The following KCNN2 variants were observed in gnomAD, a reference collection of about 807,000 sequenced individuals.
KCNN2 encodes potassium calcium-activated channel subfamily N member 2.
A neutral mutation model predicts 55.5 loss-of-function variants in KCNN2; 24 were observed. That is an observed-to-expected ratio of 0.43 (90% CI 0.31 to 0.61). The LOEUF (loss-of-function observed/expected upper bound fraction) is 0.61. Ranked by LOEUF, KCNN2 falls within the 20% of genes least tolerant of loss-of-function variation. The pLI is 0.08. For synonymous variants in KCNN2, 431 were observed against 336.1 expected, an observed-to-expected ratio of 1.28 and a Z score of -3.09; for missense variants, 754 against 853.6, an observed-to-expected ratio of 0.88 and a Z score of 1.45.
intron 3 of KCNN2, among the ~76,000 whole-genome samples, chr5:114,453,929 G>T (rs1027432635): frequency 2.0e-5 from 3 of 151,946 alleles, no homozygotes; most frequent in African/African-American, 7.3e-5. Flanking sequence ...TAGGTTTTAA[G>T]CCCCACACGC....
At chr5:114,320,006 G>A (rs544355978) in intron 2 of KCNN2, among the ~76,000 whole-genome samples, 2 of 152,238 alleles carry the variant, frequency 1.3e-5, no homozygotes, top group South Asian at 2.1e-4. Flanking sequence ...GAAGCTCATG[G>A]GAATTGTGGA....
intron 1 of KCNN2, among the ~76,000 whole-genome samples, chr5:114,075,593 A>C (rs1211944497): frequency 6.6e-6 from 1 of 152,192 alleles, no homozygotes; most frequent in Non-Finnish European, 1.5e-5. Context: ...GTACATTGTA[A>C]AGTTGGCCAC....
At chr5:114,212,737 T>G (rs1753914644) in intron 1 of KCNN2, among the ~76,000 whole-genome samples, 1 of 151,952 alleles carries the variant, frequency 6.6e-6, no homozygotes, top group Admixed American at 6.6e-5. Context: ...GAAATATATA[T>G]TTACCTTTAG....
At chr5:114,363,439 T>C (rs1373603034) in intron 1 of KCNN2, among the ~76,000 whole-genome samples, 178 bp downstream of exon 1, 1 of 152,220 alleles carries the variant, frequency 6.6e-6, no homozygotes, top group Non-Finnish European at 1.5e-5. Context: ...AACTCGGAGA[T>C]GAACCCTTTC....
chr5:114,136,796 T>C (rs948168468), intron 1 of KCNN2, among the ~76,000 whole-genome samples: 4 of 152,196 alleles, frequency 2.6e-5, no homozygotes, highest in African/African-American at 4.8e-5. Flanking sequence ...ATAGTTTCCA[T>C]AAAGCACTTA....
chr5:114,321,459 T>A lies in KCNN2; in HGVS notation c.-184-39486T>A, dbSNP rs78818372. Among the ~76,000 whole-genome samples the A allele has an allele frequency of 4.6e-3, 707 of 152,322 alleles. 2 individuals are homozygous for A. Among genetic ancestry groups the A allele is most frequent in the Middle Eastern group, 0.01 (3 of 294 alleles). ...GATATACAGATCTCCTCATCTGGAATACAACTCTTTTGTCTATAAGTAGCT... is the reference window on the plus strand; with the variant it reads ...GATATACAGATCTCCTCATCTGGAAAACAACTCTTTTGTCTATAAGTAGCT... On this transcript the variant is annotated intron_variant, in intron 2 of 10. Transcript: ENST00000512097.
chr5:114,216,040 T>C (rs1753993684), intron 1 of KCNN2, among the ~76,000 whole-genome samples: 1 of 152,156 alleles, frequency 6.6e-6, no homozygotes. Flanking sequence ...TGTAAAAGAA[T>C]GTTAGCTTTC....
chr5:114,142,862 C>T (rs1334131841), intron 1 of KCNN2, among the ~76,000 whole-genome samples: 4 of 152,148 alleles, frequency 2.6e-5, no homozygotes, highest in Non-Finnish European at 5.9e-5. Context: ...TTGTAAAAAA[C>T]TACTTTAAAG....
chr5:114,216,609 A>C (rs1276512298), intron 1 of KCNN2, among the ~76,000 whole-genome samples: 2 of 152,148 alleles, frequency 1.3e-5, no homozygotes, highest in African/African-American at 4.8e-5. Flanking sequence ...CACTCTCAGC[A>C]AACTGGTAAT....
intron 1 of KCNN2, among the ~76,000 whole-genome samples, chr5:114,137,085 T>G (rs1752188717): frequency 6.6e-6 from 1 of 152,188 alleles, no homozygotes; most frequent in African/African-American, 2.4e-5. Flanking sequence ...ATAGTGCAAT[T>G]AATCAATATT....
intron 3 of KCNN2, among the ~76,000 whole-genome samples, chr5:114,454,401 C>T (rs750012302): frequency 4.6e-5 from 7 of 152,164 alleles, no homozygotes; most frequent in East Asian, 1.9e-4. Context: ...GTTGGAAGCT[C>T]GGTAAGGGTA....
chr5:114,244,629 G>A (rs1470019844), intron 2 of KCNN2, among the ~76,000 whole-genome samples: 3 of 151,750 alleles, frequency 2.0e-5, no homozygotes, highest in Non-Finnish European at 4.4e-5. Flanking sequence ...GGAGTGTGGA[G>A]GGGAGAGACA....
chr5:114,395,310 A>G (rs1313137380), intron 2 of KCNN2, among the ~76,000 whole-genome samples: 1 of 152,190 alleles, frequency 6.6e-6, no homozygotes, highest in East Asian at 1.9e-4. Flanking sequence ...AGCAAATACA[A>G]AACAGTCGCA....
At chr5:114,109,281 A>C (rs968651271) in intron 1 of KCNN2, among the ~76,000 whole-genome samples, 4 of 152,094 alleles carry the variant, frequency 2.6e-5, no homozygotes, top group African/African-American at 9.7e-5. Context: ...TCTTCACCAA[A>C]GCCAGCAATG....
chr5:114,374,695 A>G (rs1757881677), intron 2 of KCNN2, among the ~76,000 whole-genome samples: 1 of 152,116 alleles, frequency 6.6e-6, no homozygotes, highest in Non-Finnish European at 1.5e-5. Flanking sequence ...ATAAGGTGTT[A>G]TTGTTGAGTG....
At chr5:114,176,236 C>T (rs1377073531) in intron 1 of KCNN2, among the ~76,000 whole-genome samples, 2 of 152,202 alleles carry the variant, frequency 1.3e-5, no homozygotes, top group Admixed American at 1.3e-4. Context: ...AAAATGTCTT[C>T]AAACTTTGCC....
chr5:114,214,727 T>C (rs950749774), intron 1 of KCNN2, among the ~76,000 whole-genome samples: 5 of 152,134 alleles, frequency 3.3e-5, no homozygotes, highest in African/African-American at 1.2e-4. Flanking sequence ...AATGGGACCA[T>C]AATCAATATT....
At chr5:114,397,260 A>C (rs774723026) in intron 2 of KCNN2, among the ~76,000 whole-genome samples, 6 of 152,174 alleles carry the variant, frequency 3.9e-5, no homozygotes, top group Non-Finnish European at 5.9e-5. Context: ...TGCTGGGTCT[A>C]CTGGTAATTC....
intron 2 of KCNN2, among the ~76,000 whole-genome samples, chr5:114,378,391 G>A (rs908199399): frequency 5.9e-5 from 9 of 152,216 alleles, no homozygotes; most frequent in African/African-American, 2.2e-4. Flanking sequence ...AAACATGGCT[G>A]AAAGTGTTTG....
Sources: allele counts gnomAD v4.1 joint callset (sites outside exome capture counted in the v4.1 genomes callset), GRCh38; gene constraint gnomAD v4.1.1; transcripts MANE v1.5; gene names NCBI Gene and HGNC (gene_info 2026-07-23, HGNC 2026-07-21).